The following AGAP3 variants were observed in gnomAD, a reference collection of about 807,000 sequenced individuals.
The protein encoded by AGAP3 is arf-GAP with GTPase, ANK repeat and PH domain-containing protein 3.
AGAP3 carries 24 observed loss-of-function variants against 96.9 expected under a neutral mutation model. That is an observed-to-expected ratio of 0.25 (90% confidence interval 0.18 to 0.35). The LOEUF is 0.35. Ranked by LOEUF, AGAP3 falls within the 10% of genes least tolerant of loss-of-function variation. The pLI, the probability that AGAP3 is intolerant of heterozygous loss-of-function variation, is 1.00. For synonymous variants in AGAP3, 563 were observed against 536.1 expected, an observed-to-expected ratio of 1.05 and a Z score of -0.69; for missense variants, 876 against 1,254.2, an observed-to-expected ratio of 0.70 and a Z score of 4.55.
intron 8 of AGAP3, chr7:151,120,635 C>T: frequency 1.6e-6 from 2 of 1,290,244 alleles, no homozygotes; most frequent in Non-Finnish European, 2.0e-6. Flanking sequence ...TTCCGTTACC[C>T]CACTGCCGAG....
intron 1 of AGAP3, among the ~76,000 whole-genome samples, chr7:151,106,896 G>A (rs1799077434): frequency 6.6e-6 from 1 of 152,162 alleles, no homozygotes; most frequent in Non-Finnish European, 1.5e-5. Context: ...ATCCCTCACA[G>A]TGCAGCACCT....
chr7:151,120,888 C>A (rs924074874), intron 8 of AGAP3: 1 of 1,107,574 alleles, frequency 9.0e-7, no homozygotes, highest in Non-Finnish European at 1.1e-6. Context: ...TCCCAATGTG[C>A]GACACACAGT....
At chr7:151,117,247 T>G in intron 3 of AGAP3, 65 bp downstream of exon 3, 1 of 1,583,040 alleles carries the variant, frequency 6.3e-7, no homozygotes, top group Non-Finnish European at 8.7e-7. Flanking sequence ...GCCCACAGGG[T>G]CTGGGTGGGG....
intron 8 of AGAP3, chr7:151,123,483 C>A: frequency 8.4e-7 from 1 of 1,195,346 alleles, no homozygotes; most frequent in Non-Finnish European, 1.0e-6. Flanking sequence ...CCACCGTCCA[C>A]CTCCTCGCCC....
In AGAP3 at chr7:151,142,321, GC is replaced by G; in HGVS notation, c.2050+69del. 1 of 1,599,206 alleles carries G rather than the reference GC, an allele frequency of 6.3e-7. No individual in the cohort carries two copies. Among genetic ancestry groups the G allele is most frequent in the Non-Finnish European group, 8.5e-7 (1 of 1,170,200 alleles). ...GGGAAAGCTTCGCAAGCATCAGGGA[GC>G]AGGGAAGAGGGCAGGGAAGCCTTCC... On this transcript the variant is annotated intron_variant, in intron 15 of 17. Coordinates refer to ENST00000397238, the MANE Select transcript of AGAP3 (RefSeq NM_031946.7). The surrounding 1 kb of genome is among the most constrained non-coding windows in gnomAD (Gnocchi z 7.5).
chr7:151,127,624 C>T (rs1347384519), intron 9 of AGAP3, among the ~76,000 whole-genome samples: 5 of 152,142 alleles, frequency 3.3e-5, no homozygotes, highest in South Asian at 2.1e-4. Flanking sequence ...TCCATCGTGG[C>T]GCTCCCTGGT....
chr7:151,140,126 A>T lies in AGAP3; in HGVS notation c.1804+10A>T. 6.4e-7 allele frequency: 1 copy of T among 1,570,270 alleles called. No homozygotes were observed. The highest frequency in any genetic ancestry group is 8.6e-7 in the Non-Finnish European group (1 of 1,160,040). On this transcript the variant is annotated intron_variant, in intron 13 of 17. Coordinates refer to ENST00000397238, the MANE Select transcript of AGAP3 (RefSeq NM_031946.7). The surrounding 1 kb of genome is among the most constrained non-coding windows in gnomAD (Gnocchi z 5.4). ...AGCAGTGCTACTGAAGGTTAGGGGG[A>T]CCCAGAGGGAAACCGGGCACAGGAG...
chr7:151,123,354 C>T, intron 8 of AGAP3: 2 of 1,045,522 alleles, frequency 1.9e-6, no homozygotes, highest in South Asian at 6.9e-5. Context: ...CCTTGGGCCA[C>T]GCCGACGCGC....
chr7:151,122,851 G>A, intron 8 of AGAP3: 10 of 1,606,092 alleles, frequency 6.2e-6, no homozygotes, highest in South Asian at 1.1e-5. Flanking sequence ...GAGGCGGGCC[G>A]GGCCCTGGGA....
chr7:151,115,159 TG>T, intron 1 of AGAP3: 3 of 1,040,736 alleles, frequency 2.9e-6, no homozygotes, highest in Non-Finnish European at 3.5e-6. Flanking sequence ...ATGACTTTCC[TG>T]GAGGTGAACC....
At chr7:151,135,097 G>A (rs1448772111) in intron 11 of AGAP3, among the ~76,000 whole-genome samples, 1 of 152,170 alleles carries the variant, frequency 6.6e-6, no homozygotes, top group East Asian at 1.9e-4. Context: ...AACTGACAGT[G>A]CTGGCTCAGG....
intron 1 of AGAP3, 107 bp from the exon 2 acceptor site, chr7:151,116,686 C>A: frequency 1.5e-6 from 2 of 1,296,740 alleles, no homozygotes; most frequent in South Asian, 2.4e-5. Flanking sequence ...AAGCTGCTGT[C>A]CTCTGGCCTG....
chr7:151,120,416 C>A, intron 8 of AGAP3: 1 of 674,460 alleles, frequency 1.5e-6, no homozygotes, highest in South Asian at 1.6e-5. Flanking sequence ...ACTCACCCTC[C>A]CCGCCGCCTT....
rs1352553869 is a variant in AGAP3, at chr7:151,133,838, T to C, written c.1327-562T>C. Among the ~76,000 whole-genome samples the C allele has an allele frequency of 6.6e-6, 1 of 152,202 alleles. No individual in the cohort carries two copies. Among genetic ancestry groups the C allele is most frequent in the Non-Finnish European group, 1.5e-5 (1 of 68,028 alleles). On this transcript the variant is annotated intron_variant, in intron 10 of 17. Coordinates refer to ENST00000397238, the MANE Select transcript of AGAP3 (RefSeq NM_031946.7). The surrounding 1 kb of genome is among the most constrained non-coding windows in gnomAD (Gnocchi z 5.4). ...CTGCCGCCAGGGAATTGGTGGTACC[T>C]GTGAGAGCACCTGTTGCTGTATTCC...
chr7:151,107,180 C>T (rs1025794047), intron 1 of AGAP3, among the ~76,000 whole-genome samples: 3 of 151,886 alleles, frequency 2.0e-5, no homozygotes, highest in African/African-American at 2.4e-5. Flanking sequence ...TGTGGTGGCA[C>T]GCACCTGTAA....
intron 7 of AGAP3, chr7:151,119,349 G>A: frequency 6.3e-6 from 1 of 157,840 alleles, no homozygotes; most frequent in African/African-American, 2.4e-5. Context: ...TGCTTCCCGA[G>A]TCCTGGAGGA....
chr7:151,110,611 C>T (rs1049333845), intron 1 of AGAP3, among the ~76,000 whole-genome samples: 2 of 151,854 alleles, frequency 1.3e-5, no homozygotes, highest in African/African-American at 4.8e-5. Flanking sequence ...AAGAGGTCCG[C>T]CCCAGCTGTA....
At position 151,143,428 on chromosome 7, in the gene AGAP3, G is replaced by A; in HGVS notation, c.2361G>A (p.Gln787=). 11 of 1,614,220 alleles carry A rather than the reference G, an allele frequency of 6.8e-6. No individual in the cohort carries two copies. Among genetic ancestry groups the A allele is most frequent in the Non-Finnish European group, 9.3e-6 (11 of 1,180,040 alleles). ...PLPSSDVPLG[Q]QLLRAVVEDD... ...CAAGCTCAGATGTGCCACTGGGGCAGCAGCTGCTCCGGGCCGTGGTGGAAG... is the reference window on the plus strand; with the variant it reads ...CAAGCTCAGATGTGCCACTGGGGCAACAGCTGCTCCGGGCCGTGGTGGAAG... Residue 787 remains glutamine (Q), a synonymous_variant, in exon 17 of 18, where the codon CAG becomes CAA. Transcript: ENST00000397238. The surrounding 1 kb of genome is among the most constrained non-coding windows in gnomAD (Gnocchi z 5.9).
Position 151,104,862 on chromosome 7 carries a change from AAGAACGGAC to A in AGAP3, c.332-11925_332-11917del, listed in dbSNP as rs141473260. 7.2e-3 allele frequency among the ~76,000 whole-genome samples: 1,102 copies of A among 152,336 alleles called. 8 individuals are homozygous for A. Among genetic ancestry groups the A allele is most frequent in the African/African-American group, 0.025 (1,040 of 41,570 alleles). On this transcript the variant is annotated intron_variant, in intron 1 of 17. Coordinates refer to ENST00000397238, the MANE Select transcript of AGAP3 (RefSeq NM_031946.7). ...CTGTCCCTCAGCAGGGGAAGGGTTGAAGAACGGACAGAACATGCATACTGTGAGATGCTA... is the reference window on the plus strand; with the variant it reads ...CTGTCCCTCAGCAGGGGAAGGGTTGAAGAACATGCATACTGTGAGATGCTA...
Sources: gnomAD v4.1 joint callset for allele counts (sites outside exome capture counted in the v4.1 genomes callset) on GRCh38, gnomAD v4.1.1 for gene constraint, Gnocchi (gnomAD v3.1) non-coding constraint, MANE v1.5 for transcripts, NCBI Gene and HGNC (gene_info 2026-07-23, HGNC 2026-07-21) for gene names.